The following PDE4B variants were observed in gnomAD, a reference collection of about 807,000 sequenced individuals.
PDE4B encodes the protein phosphodiesterase 4B.
In PDE4B, 20 loss-of-function variants were observed where a neutral mutation model predicts 82.2. The observed-to-expected ratio is 0.24, with a 90% confidence interval of 0.17 to 0.35. PDE4B has a LOEUF of 0.35. PDE4B is among the 10% of genes least tolerant of loss of function. The probability of loss-of-function intolerance (pLI) is 1.00; values close to 1 mark genes in which losing one functional copy is unlikely to be tolerated. For missense variants in PDE4B, 655 were observed against 907.2 expected (o/e 0.72, Z 3.57); for synonymous variants, 320 against 318.9 (o/e 1.00, Z -0.04).
intron 3 of PDE4B, among the ~76,000 whole-genome samples, chr1:65,941,879 C>G (rs562399315): frequency 6.6e-6 from 1 of 151,756 alleles, no homozygotes; most frequent in Non-Finnish European, 1.5e-5. Flanking sequence ...ATTCTTTGAC[C>G]GACATTGCCT....
intron 3 of PDE4B, among the ~76,000 whole-genome samples, chr1:66,210,342 A>T (rs1347256079): frequency 6.6e-6 from 1 of 152,144 alleles, no homozygotes; most frequent in African/African-American, 2.4e-5. Flanking sequence ...TCACGCCTGT[A>T]ATCCCAGCAT....
At chr1:66,323,951 A>G (rs187446705) in intron 7 of PDE4B, among the ~76,000 whole-genome samples, 37 of 152,314 alleles carry the variant, frequency 2.4e-4, no homozygotes, top group Admixed American at 9.2e-4. Context: ...TTGGTCTTCA[A>G]TACCAATACA....
intron 7 of PDE4B, chr1:66,266,978 C>T (rs1029722863): frequency 4.8e-6 from 1 of 207,246 alleles, no homozygotes; most frequent in Non-Finnish European, 1.0e-5. Flanking sequence ...TACTTAAAAT[C>T]TTTCTCTCTT....
intron 1 of PDE4B, among the ~76,000 whole-genome samples, chr1:65,886,614 C>T (rs928283024): frequency 6.6e-6 from 1 of 152,110 alleles, no homozygotes; most frequent in African/African-American, 2.4e-5. Flanking sequence ...TTGGTTCTTA[C>T]ATGAGTGAGA....
At chr1:66,338,835 G>A (rs1660726501) in intron 8 of PDE4B, among the ~76,000 whole-genome samples, 1 of 151,582 alleles carries the variant, frequency 6.6e-6, no homozygotes, top group South Asian at 2.1e-4. Context: ...CGGCTAAAAC[G>A]GTGAAACCCC....
intron 1 of PDE4B, among the ~76,000 whole-genome samples, chr1:65,808,259 A>G (rs560558825): frequency 6.6e-6 from 1 of 150,466 alleles, no homozygotes. Context: ...ATAACCTTCA[A>G]CTCCTGGGCT....
chr1:66,246,533 T>A (rs1478051382), intron 3 of PDE4B, among the ~76,000 whole-genome samples: 1 of 152,138 alleles, frequency 6.6e-6, no homozygotes, highest in Non-Finnish European at 1.5e-5. Context: ...TTACTGTCAA[T>A]TTGAGGCTAA....
intron 3 of PDE4B, among the ~76,000 whole-genome samples, chr1:65,950,883 T>C (rs1325527315): frequency 1.3e-5 from 2 of 152,076 alleles, no homozygotes; most frequent in Non-Finnish European, 2.9e-5. Context: ...ACAGAGCTAT[T>C]AGGAACTATA....
chr1:65,863,020 G>A (rs1048690683), intron 1 of PDE4B, among the ~76,000 whole-genome samples: 2 of 151,556 alleles, frequency 1.3e-5, no homozygotes, highest in African/African-American at 4.8e-5. Context: ...TTGATTTTTT[G>A]GAGGGTTTTT....
At chr1:65,919,950 A>T (rs1292968337) in intron 3 of PDE4B, among the ~76,000 whole-genome samples, 1 of 152,216 alleles carries the variant, frequency 6.6e-6, no homozygotes, top group Non-Finnish European at 1.5e-5. Context: ...ATCATGCTAA[A>T]ACATTTTAAA....
At chr1:66,164,979 T>A (rs1646700456) in intron 3 of PDE4B, among the ~76,000 whole-genome samples, 1 of 152,032 alleles carries the variant, frequency 6.6e-6, no homozygotes, top group South Asian at 2.1e-4. Context: ...GCCAGGATGG[T>A]CTCGATCTCC....
chr1:66,342,909 G>A (rs1347862327), intron 8 of PDE4B, among the ~76,000 whole-genome samples: 1 of 152,120 alleles, frequency 6.6e-6, no homozygotes, highest in Non-Finnish European at 1.5e-5. Context: ...GCCGGACGCA[G>A]TGGTGCATGC....
chr1:66,272,123 C>G (rs1275821228), intron 7 of PDE4B, among the ~76,000 whole-genome samples: 1 of 152,226 alleles, frequency 6.6e-6, no homozygotes, highest in Non-Finnish European at 1.5e-5. Context: ...CTCCCAAACC[C>G]TAGCTGCTGC....
chr1:65,950,854 C>T (rs1310115701), intron 3 of PDE4B, among the ~76,000 whole-genome samples: 1 of 152,032 alleles, frequency 6.6e-6, no homozygotes, highest in Non-Finnish European at 1.5e-5. Context: ...CAAACACCAG[C>T]CACATTCACC....
intron 3 of PDE4B, among the ~76,000 whole-genome samples, chr1:65,930,112 G>A (rs1647749686): frequency 6.6e-6 from 1 of 152,176 alleles, no homozygotes; most frequent in Non-Finnish European, 1.5e-5. Context: ...GGAGTCCAAT[G>A]TTTGAGGGCA....
intron 1 of PDE4B, among the ~76,000 whole-genome samples, chr1:65,911,766 G>A (rs1647094573): frequency 6.6e-6 from 1 of 151,952 alleles, no homozygotes; most frequent in African/African-American, 2.4e-5. Context: ...AAAGCCCATG[G>A]GGTTCTCTCC....
intron 3 of PDE4B, among the ~76,000 whole-genome samples, chr1:66,036,636 T>C (rs892913175): frequency 6.6e-6 from 1 of 152,144 alleles, no homozygotes; most frequent in Non-Finnish European, 1.5e-5. Flanking sequence ...TATTGATGTG[T>C]GGGTTTATTT....
chr1:66,035,352 A>T (rs1654005991), intron 3 of PDE4B, among the ~76,000 whole-genome samples: 1 of 152,124 alleles, frequency 6.6e-6, no homozygotes, highest in Non-Finnish European at 1.5e-5. Flanking sequence ...CCTCTCTTTT[A>T]GCTATTCTGA....
chr1:66,329,438 T>G (rs1195161697), intron 7 of PDE4B, among the ~76,000 whole-genome samples: 1 of 152,238 alleles, frequency 6.6e-6, no homozygotes, highest in Non-Finnish European at 1.5e-5. Flanking sequence ...TTAGTATCTT[T>G]TATAGCAATT....
Sources: allele counts gnomAD v4.1 joint callset (sites outside exome capture counted in the v4.1 genomes callset), GRCh38; gene constraint gnomAD v4.1.1; transcripts MANE v1.5; gene names NCBI Gene and HGNC (gene_info 2026-07-23, HGNC 2026-07-21).